The following PTS variants were observed in gnomAD, a reference collection of about 807,000 sequenced individuals.
PTS encodes 6-pyruvoyltetrahydropterin synthase.
A neutral mutation model predicts 20.6 loss-of-function variants in PTS; 23 were observed. The observed-to-expected ratio is 1.12, with a 90% CI of 0.80 to 1.58. The LOEUF is 1.58. Ranked by LOEUF, PTS falls within the 40% of genes most tolerant of loss-of-function variation. The pLI is 0.00. For synonymous variants in PTS, 65 were observed against 62.5 expected (o/e 1.04, Z -0.19); for missense variants, 186 against 182.4 (o/e 1.02, Z -0.11).
In PTS at chr11:112,233,058, G is replaced by T. The variant is rs1161462258; in HGVS notation, c.244-105G>T. On this transcript the variant is annotated intron_variant, in intron 4 of 5. Coordinates refer to ENST00000280362, the MANE Select transcript of PTS (RefSeq NM_000317.3). ...CAAATCTAGTACTTACAAATATTTA[G>T]TTAGTGGCTAAGTGATAAGGTGAGG... 2 of 1,067,940 alleles carry T rather than the reference G, an allele frequency of 1.9e-6. 1 individual carries two copies. The highest frequency in any genetic ancestry group is 3.4e-5 in the Admixed American group (2 of 59,300). The allele number at this position is 1,067,940 out of a possible 1,614,324, so 66.2% of individuals were successfully genotyped here.
Position 112,230,248 on chromosome 11 carries a change from T to C in PTS, c.186+18T>C, listed in dbSNP as rs1362243934. On this transcript the variant is annotated intron_variant, in intron 3 of 5. Coordinates refer to ENST00000280362, the MANE Select transcript of PTS (RefSeq NM_000317.3). The stretch of plus-strand genomic sequence containing the variant: ...ATGGAGAGGTATGTGCAGAAAATAT[T>C]TGTGTGGTTTTTGCAGATTGCTGGG... 1 of 1,612,238 alleles carries C rather than the reference T, an allele frequency of 6.2e-7. No individual in the cohort carries two copies. Among genetic ancestry groups the C allele is most frequent in the Admixed American group, 1.7e-5 (1 of 60,010 alleles).
At chr11:112,227,003 GC>G (rs1184050694) in intron 1 of PTS, among the ~76,000 whole-genome samples, 2 of 149,268 alleles carry the variant, frequency 1.3e-5, no homozygotes, top group Admixed American at 1.4e-4. Flanking sequence ...GCAAATTTTA[GC>G]CCCTTTTTTA....
chr11:112,230,008 T>C (rs1172286218), intron 2 of PTS, 200 bp from the exon 3 acceptor site: 3 of 615,572 alleles, frequency 4.9e-6, no homozygotes, highest in African/African-American at 3.7e-5. Flanking sequence ...TTTGTCTCGA[T>C]TGTGTCTTGC....
At chr11:112,226,847 GGTGT>G (rs578181457) in intron 1 of PTS, among the ~76,000 whole-genome samples, 4 of 151,852 alleles carry the variant, frequency 2.6e-5, no homozygotes, top group South Asian at 4.2e-4. Flanking sequence ...GGAGTCCCTT[GGTGT>G]AGACCACAGG....
chr11:112,233,320 T>TA, intron 5 of PTS, 87 bp downstream of exon 5: 1 of 1,544,078 alleles, frequency 6.5e-7, no homozygotes, highest in Non-Finnish European at 8.9e-7. Flanking sequence ...TCTGAAGTTT[T>TA]AATTTAATGA....
Position 112,229,983 on chromosome 11 carries a change from T to C in PTS, c.164-225T>C, listed in dbSNP as rs1859909292. ...GCCGAGTGCCTCTGCTTAGCCAACA[T>C]TCCTACTAAGCTCCTTTGTCTCGAT... On this transcript the variant is annotated intron_variant, in intron 2 of 5. Transcript: ENST00000280362. The C allele has an allele frequency of 2.7e-5, 16 of 589,502 alleles. No individual in the cohort carries two copies. The South Asian group carries it at 3.2e-4, about 12-fold the overall frequency. The allele number at this position is 589,502 out of a possible 1,614,324, so 36.5% of individuals were successfully genotyped here.
At chr11:112,226,697 A>G (rs1472864794) in intron 1 of PTS, among the ~76,000 whole-genome samples, 171 bp downstream of exon 1, 2 of 151,698 alleles carry the variant, frequency 1.3e-5, no homozygotes, top group Non-Finnish European at 2.9e-5. Context: ...CAGCATCCTG[A>G]TGGGGGCTGG....
intron 4 of PTS, among the ~76,000 whole-genome samples, 192 bp from the exon 5 acceptor site, chr11:112,232,971 C>G (rs1859960073): frequency 6.6e-6 from 1 of 152,214 alleles, no homozygotes; most frequent in South Asian, 2.1e-4. Flanking sequence ...CTAATCATTA[C>G]CGACAGCTGG....
chr11:112,228,504 A>G, intron 1 of PTS, 90 bp from the exon 2 acceptor site: 1 of 1,122,060 alleles, frequency 8.9e-7, no homozygotes. Context: ...CTTTTCAAAG[A>G]TCAGTACAAA....
chr11:112,230,915 A>G (rs920988207), intron 4 of PTS, among the ~76,000 whole-genome samples: 14 of 152,110 alleles, frequency 9.2e-5, no homozygotes, highest in African/African-American at 3.4e-4. Context: ...GAAATATAAC[A>G]TGCTCACCTT....
At chr11:112,233,409 GT>G (rs1351242285) in intron 5 of PTS, 22 bp from the exon 6 acceptor site, 1 of 1,584,758 alleles carries the variant, frequency 6.3e-7, no homozygotes, top group Non-Finnish European at 8.6e-7. Flanking sequence ...AATTTTTTTT[GT>G]TTTTGTTTTT....
chr11:112,230,596 C>T (rs550826582), intron 3 of PTS, 30 bp from the exon 4 acceptor site: 2 of 1,565,096 alleles, frequency 1.3e-6, no homozygotes, highest in East Asian at 2.2e-5. Context: ...GAGCCTATCA[C>T]AGTAATATTC....
Position 112,230,494 on chromosome 11 carries a change from A to C in PTS, c.187-132A>C. 4 of 891,528 alleles carry C rather than the reference A, an allele frequency of 4.5e-6. 1 individual carries two copies. Among genetic ancestry groups the C allele is most frequent in the South Asian group, 4.0e-5 (3 of 74,082 alleles). 55.2% of individuals were successfully genotyped at this position (891,528 alleles called of 1,614,324 possible). ...TGGTGCTTCCATGCTGAGGTCAATG[A>C]TTATCTCTGGGATGAAGGCAAATGT... On this transcript the variant is annotated intron_variant, in intron 3 of 5. Transcript: ENST00000280362.
chr11:112,229,530 T>C (rs1592879766), intron 2 of PTS: 1 of 152,948 alleles, frequency 6.5e-6, no homozygotes, highest in South Asian at 2.1e-4. Context: ...TAGCTGAGAT[T>C]ACAGGCGCCC....
chr11:112,228,340 C>T, intron 1 of PTS: 4 of 524,508 alleles, frequency 7.6e-6, no homozygotes, highest in Non-Finnish European at 1.4e-5. Flanking sequence ...TGCTGTGGAA[C>T]AAGGGGGTTG....
chr11:112,230,588 G>A, intron 3 of PTS, 38 bp from the exon 4 acceptor site: 1 of 1,531,576 alleles, frequency 6.5e-7, no homozygotes, highest in Non-Finnish European at 9.0e-7. Flanking sequence ...AATATGGAGA[G>A]CCTATCACAG....
chr11:112,233,194 A>G lies in PTS; in HGVS notation c.275A>G (p.Asn92Ser). ...EAIMQPLDHK[N>S]LDMDVPYFAD... The stretch of plus-strand genomic sequence containing the variant: ...ATTATGCAGCCCCTTGATCATAAGA[A>G]TCTGGATATGGATGTGCCATACTTT... Residue 92 changes from asparagine (N) to serine (S), a missense_variant, in exon 5 of 6, where the codon AAT (asparagine) becomes AGT (serine). Physicochemically the swap from Asn to Ser is conservative, Grantham distance 46. Transcript: ENST00000280362. The G allele has an allele frequency of 1.2e-6, 2 of 1,614,132 alleles. No homozygotes were observed. Among genetic ancestry groups the G allele is most frequent in the South Asian group, 1.1e-5 (1 of 91,084 alleles).
At chr11:112,230,994 T>C (rs539819540) in intron 4 of PTS, among the ~76,000 whole-genome samples, 1 of 152,272 alleles carries the variant, frequency 6.6e-6, no homozygotes, top group African/African-American at 2.4e-5. Context: ...AGACATAGCT[T>C]TCTCCTTGAG....
chr11:112,230,734 G>C, intron 4 of PTS, 52 bp downstream of exon 4: 1 of 1,491,374 alleles, frequency 6.7e-7, no homozygotes, highest in Non-Finnish European at 9.4e-7. Flanking sequence ...TGTAATATTT[G>C]GTGGCCCCCT....
Sources: allele counts gnomAD v4.1 joint callset (sites outside exome capture counted in the v4.1 genomes callset), GRCh38; gene constraint gnomAD v4.1.1; transcripts MANE v1.5; gene names NCBI Gene and HGNC (gene_info 2026-07-23, HGNC 2026-07-21).